Variants in CENPP observed in about 807,000 individuals in gnomAD.
The protein encoded by CENPP is centromere protein P.
Under a neutral mutation model 35.6 loss-of-function variants are expected in CENPP, and 24 were observed. The observed-to-expected ratio is 0.67, with a 90% CI of 0.49 to 0.95. CENPP has a LOEUF of 0.95. Among genes scored for constraint, CENPP ranks in the 40% least tolerant of loss-of-function variants. The pLI is 0.00. For missense variants in CENPP, 332 were observed against 345.3 expected (o/e 0.96, Z 0.31); for synonymous variants, 120 against 125.5 (o/e 0.96, Z 0.29).
At chr9:92,576,925 A>G (rs1368952982) in intron 5 of CENPP, among the ~76,000 whole-genome samples, 2 of 152,196 alleles carry the variant, frequency 1.3e-5, no homozygotes, top group Admixed American at 6.5e-5. Context: ...ACAAAATTCA[A>G]ATGGTGAGTA....
chr9:92,334,139 G>A (rs895995377), intron 2 of CENPP, among the ~76,000 whole-genome samples: 2 of 49,112 alleles, frequency 4.1e-5, no homozygotes, highest in African/African-American at 1.7e-4. Context: ...TTTTTTTTTT[G>A]AGACAGAGTC....
chr9:92,333,263 C>T (rs577735864), intron 2 of CENPP, among the ~76,000 whole-genome samples: 28 of 152,252 alleles, frequency 1.8e-4, no homozygotes, highest in Admixed American at 1.4e-3. Flanking sequence ...TGAAAATTAC[C>T]CTCATGACAG....
At chr9:92,440,752 G>T (rs531920547) in intron 5 of CENPP, among the ~76,000 whole-genome samples, 1 of 152,306 alleles carries the variant, frequency 6.6e-6, no homozygotes, top group Admixed American at 6.5e-5. Flanking sequence ...GTGAGTGGAA[G>T]ACGTGAACAG....
At chr9:92,396,568 A>AT (rs34456971) in intron 5 of CENPP, among the ~76,000 whole-genome samples, 26 of 144,274 alleles carry the variant, frequency 1.8e-4, no homozygotes, top group African/African-American at 4.9e-4. Flanking sequence ...ACATACCTTT[A>AT]TTTTTTTTTT....
intron 5 of CENPP, among the ~76,000 whole-genome samples, chr9:92,552,824 G>A (rs561388757): frequency 2.9e-4 from 44 of 152,174 alleles, no homozygotes; most frequent in South Asian, 1.5e-3. Flanking sequence ...TCCTTTTGCC[G>A]TGCAAAAGCT....
intron 5 of CENPP, among the ~76,000 whole-genome samples, chr9:92,504,509 G>A (rs1846876891): frequency 6.6e-6 from 1 of 152,068 alleles, no homozygotes; most frequent in Admixed American, 6.5e-5. Flanking sequence ...AGACTCTCTG[G>A]ACCTCAGTGT....
chr9:92,483,816 A>T (rs1279543501), intron 5 of CENPP, among the ~76,000 whole-genome samples: 1 of 152,048 alleles, frequency 6.6e-6, no homozygotes. Flanking sequence ...TAAATAAAGT[A>T]CTCCTCCTTG....
chr9:92,344,990 G>A (rs1841244298), intron 3 of CENPP, among the ~76,000 whole-genome samples: 1 of 151,534 alleles, frequency 6.6e-6, no homozygotes, highest in African/African-American at 2.4e-5. Flanking sequence ...GGTGGCTCAC[G>A]CCTGTAATCC....
chr9:92,522,501 C>G (rs1848135939), intron 5 of CENPP: 1 of 1,368,700 alleles, frequency 7.3e-7, no homozygotes, highest in Non-Finnish European at 9.7e-7. Flanking sequence ...CTCTCTCCCT[C>G]TCTCCTTCTC....
chr9:92,381,066 C>G lies in CENPP; in HGVS notation c.564+1207C>G, dbSNP rs78624069. Among the ~76,000 whole-genome samples, 58 of 152,328 alleles carry G rather than the reference C, an allele frequency of 3.8e-4. No individual in the cohort carries two copies. The East Asian group carries it at 0.011, about 29-fold the overall frequency. The stretch of plus-strand genomic sequence containing the variant: ...CCACATTGTTTTGTAACCATCACCA[C>G]TGTCCTTCTCCAGAAGTTTTTCATC... On this transcript the variant is annotated intron_variant, in intron 5 of 7. Transcript: ENST00000375587.
chr9:92,403,483 C>T, intron 5 of CENPP: 1 of 1,506,902 alleles, frequency 6.6e-7, no homozygotes, highest in Non-Finnish European at 8.8e-7. Context: ...CTCTTTTTCC[C>T]TGGAAATAAA....
intron 5 of CENPP, among the ~76,000 whole-genome samples, chr9:92,533,316 AAAAAAAAAAAAAAT>A (rs1563991286): frequency 2.1e-5 from 2 of 97,176 alleles, no homozygotes; most frequent in Non-Finnish European, 3.9e-5. Flanking sequence ...AAAAAAAAAA[AAAAAAAAAAAAAAT>A]ATATATATAT....
At position 92,593,938 on chromosome 9, in the gene CENPP, G is replaced by A. The variant is rs148822641; in HGVS notation, c.565-17376G>A. On this transcript the variant is annotated intron_variant, in intron 5 of 7. Coordinates refer to ENST00000375587, the MANE Select transcript of CENPP (RefSeq NM_001012267.3). This position sits in a 1 kb window ranked among gnomAD's most constrained non-coding sequence, Gnocchi z 4.1. Reference sequence around the variant, plus strand: ...TCAAAGGTAATATGATATCCTGGATGGGAATCCTGGAACAGAAGGACATTA... The same window carrying A: ...TCAAAGGTAATATGATATCCTGGATAGGAATCCTGGAACAGAAGGACATTA... Among the ~76,000 whole-genome samples the A allele has an allele frequency of 2.1e-3, 318 of 152,268 alleles. 1 individual carries two copies. Among genetic ancestry groups the A allele is most frequent in the Non-Finnish European group, 2.7e-3 (182 of 68,028 alleles).
chr9:92,357,461 CATTATTATTATT>C (rs36222751), intron 4 of CENPP, among the ~76,000 whole-genome samples: 1,558 of 143,458 alleles, frequency 0.011, 11 homozygotes, highest in African/African-American at 0.019. Context: ...TCATCTCCCT[CATTATTATTATT>C]ATTATTATTA....
At chr9:92,543,550 A>G (rs951622822) in intron 5 of CENPP, among the ~76,000 whole-genome samples, 11 of 148,624 alleles carry the variant, frequency 7.4e-5, no homozygotes, top group Non-Finnish European at 1.6e-4. Context: ...GAATTTTATG[A>G]TCGTTTTTCT....
chr9:92,349,696 C>T (rs2130810976), intron 4 of CENPP, among the ~76,000 whole-genome samples: 1 of 152,232 alleles, frequency 6.6e-6, no homozygotes, highest in Non-Finnish European at 1.5e-5. Flanking sequence ...GCCACCACGC[C>T]TGGCCTATGT....
At chr9:92,342,589 C>T (rs1008797039) in intron 3 of CENPP, among the ~76,000 whole-genome samples, 1 of 152,166 alleles carries the variant, frequency 6.6e-6, no homozygotes. Flanking sequence ...TTTTATGATT[C>T]TTCTTGAAGA....
chr9:92,457,777 GATAC>G, intron 5 of CENPP, among the ~76,000 whole-genome samples: 1 of 152,086 alleles, frequency 6.6e-6, no homozygotes, highest in Middle Eastern at 3.2e-3. Context: ...TAGATAGATA[GATAC>G]ATACATACGT....
chr9:92,420,806 G>A (rs1843768706), intron 5 of CENPP, among the ~76,000 whole-genome samples: 1 of 148,938 alleles, frequency 6.7e-6, no homozygotes, highest in Non-Finnish European at 1.5e-5. Flanking sequence ...GTTTCTTTGT[G>A]CAACTCTATA....
Sources: gnomAD v4.1 joint callset for allele counts (sites outside exome capture counted in the v4.1 genomes callset) on GRCh38, gnomAD v4.1.1 for gene constraint, Gnocchi (gnomAD v3.1) non-coding constraint, MANE v1.5 for transcripts, NCBI Gene and HGNC (gene_info 2026-07-23, HGNC 2026-07-21) for gene names.